PSMD10: variants seen among roughly 807,000 people sequenced by gnomAD.
PSMD10 encodes the protein 26S proteasome non-ATPase regulatory subunit 10.
PSMD10 carries 2 observed loss-of-function variants against 13.2 expected under a neutral mutation model. That is an observed-to-expected ratio of 0.15 (90% CI 0.06 to 0.48). PSMD10 has a LOEUF of 0.48. Among genes scored for constraint, PSMD10 ranks in the 20% least tolerant of loss-of-function variants. The pLI is 0.97. For synonymous variants in PSMD10, 66 were observed against 64.4 expected, an observed-to-expected ratio of 1.03 and a Z score of -0.12; for missense variants, 120 against 167.4, an observed-to-expected ratio of 0.72 and a Z score of 1.56.
In PSMD10 at chrX:108,091,510, C is replaced by A. The variant is rs780330916; in HGVS notation, c.11G>T (p.Cys4Phe). The A allele has an allele frequency of 1.7e-5, 20 of 1,209,974 alleles. No individual in the cohort carries two copies. In the South Asian group the frequency reaches 3.5e-4, roughly 21 times the overall value. MEG[C>F]VSNLMVCNLA... ...GTTGCAGACCATTAGGTTAGACACA[C>A]ACCCCTCCATTTCGCTGTCCCAGCA... The change falls in exon 1 of 5, where the codon TGT becomes TTT. Residue 4 changes from cysteine to phenylalanine, a missense_variant. Cys to Phe is a radical substitution (Grantham distance 205). Coordinates refer to ENST00000217958, the MANE Select transcript of PSMD10 (RefSeq NM_002814.4).
At chrX:108,088,605 G>T in intron 2 of PSMD10, 147 bp downstream of exon 2, 1 of 469,322 alleles carries the variant, frequency 2.1e-6, no homozygotes, top group Non-Finnish European at 3.8e-6. Flanking sequence ...TGAGTCTCAT[G>T]CTTGATCACA....
intron 4 of PSMD10, among the ~76,000 whole-genome samples, chrX:108,086,868 T>C (rs1392466329): frequency 9.0e-6 from 1 of 111,705 alleles, no homozygotes; most frequent in Non-Finnish European, 1.9e-5. Flanking sequence ...GCAATTCCAC[T>C]TCTAGGAGTC....
rs375100790 is a variant in PSMD10 at position 108,088,792 on chromosome X, A to T, written c.173T>A (p.Phe58Tyr). Residue 58 changes from phenylalanine (F) to tyrosine (Y), a missense_variant, in exon 2 of 5, where the codon TTT (phenylalanine) becomes TAT (tyrosine). Phe to Tyr is a conservative substitution (Grantham distance 22). Coordinates refer to ENST00000217958, the MANE Select transcript of PSMD10 (RefSeq NM_002814.4). ...CACTGGCACTCCAAGTTGCAACAAA[A>T]ATTCAACAATTTCTGTATGTCCAGC... is the stretch of plus-strand genomic sequence containing the variant. ...CSAGHTEIVE[F>Y]LLQLGVPVND... The T allele has an allele frequency of 2.0e-5, 24 of 1,203,791 alleles. No homozygotes were observed. Among genetic ancestry groups the T allele is most frequent in the Non-Finnish European group, 2.6e-5 (23 of 890,184 alleles).
chrX:108,089,409 T>C (rs1259533980), intron 1 of PSMD10, among the ~76,000 whole-genome samples: 1 of 112,149 alleles, frequency 8.9e-6, no homozygotes, highest in Non-Finnish European at 1.9e-5. Flanking sequence ...AAGGAACACA[T>C]GAATCTAATG....
At chrX:108,089,548 C>T (rs1218848461) in intron 1 of PSMD10, among the ~76,000 whole-genome samples, 1 of 112,237 alleles carries the variant, frequency 8.9e-6, no homozygotes, top group Non-Finnish European at 1.9e-5. Context: ...AAATAATAAG[C>T]TATGGCCGGG....
chrX:108,085,937 C>T (rs1333906504), intron 4 of PSMD10, among the ~76,000 whole-genome samples: 1 of 111,915 alleles, frequency 8.9e-6, no homozygotes, highest in Middle Eastern at 4.7e-3. Context: ...CGTCCCAGTA[C>T]TCTATCTTGT....
intron 1 of PSMD10, among the ~76,000 whole-genome samples, chrX:108,090,268 A>G (rs1190715017): frequency 1.8e-5 from 2 of 111,861 alleles, no homozygotes; most frequent in Non-Finnish European, 3.8e-5. Flanking sequence ...TGTCTCCCAA[A>G]TGTCTTTTTG....
chrX:108,089,430 T>C (rs1446449658), intron 1 of PSMD10, among the ~76,000 whole-genome samples: 1 of 112,269 alleles, frequency 8.9e-6, no homozygotes, highest in Non-Finnish European at 1.9e-5. Flanking sequence ...GGGGAAGAAA[T>C]GTTCATTAAA....
intron 4 of PSMD10, 199 bp downstream of exon 4, chrX:108,087,487 C>T: frequency 4.2e-6 from 2 of 475,310 alleles, no homozygotes; most frequent in East Asian, 4.1e-5. Flanking sequence ...GGAGGAAATA[C>T]ACAAGAATGT....
At position 108,091,080 on chromosome X, in the gene PSMD10, T is replaced by A. The variant is rs893262279; in HGVS notation, c.114+327A>T. On this transcript the variant is annotated intron_variant, in intron 1 of 4. Transcript: ENST00000217958. The stretch of plus-strand genomic sequence containing the variant: ...GTTCAATTTCACATGCGTTACTGAA[T>A]ACAGTTACTAGTAAAGGTAAATAAA... Among the ~76,000 whole-genome samples, 3 of 113,560 alleles carry A rather than the reference T, an allele frequency of 2.6e-5. No individual in the cohort carries two copies. The Admixed American group carries it at 2.8e-4, about 10-fold the overall frequency.
At chrX:108,090,519 G>T (rs1028126043) in intron 1 of PSMD10, among the ~76,000 whole-genome samples, 3 of 112,124 alleles carry the variant, frequency 2.7e-5, no homozygotes, top group Non-Finnish European at 5.6e-5. Context: ...CCATTTTCAG[G>T]TTGAGTAATA....
Position 108,087,776 on chromosome X carries a change from GC to G in PSMD10, c.436del (p.Ala146GlnfsTer7). 8.3e-7 allele frequency: 1 copy of G among 1,211,843 alleles called. No homozygotes were observed. The highest frequency in any genetic ancestry group is 1.1e-6 in the Non-Finnish European group (1 of 895,546). On this transcript the variant is annotated frameshift_variant, in exon 4 of 5. Transcript: ENST00000217958. LOFTEE classifies it high-confidence loss of function. ...DHYEATAMHR[A>X]AAKGNLKMIH... Reference sequence around the variant, plus strand: ...CATCTTCAAGTTACCCTTGGCTGCTGCCCGGTGCATTGCTGTAGCCTCATAA... The same window carrying G: ...CATCTTCAAGTTACCCTTGGCTGCTGCCGGTGCATTGCTGTAGCCTCATAA...
intron 1 of PSMD10, 95 bp from the exon 2 acceptor site, chrX:108,088,945 C>T (rs190558636): frequency 4.7e-5 from 31 of 654,946 alleles, no homozygotes; most frequent in African/African-American, 2.0e-4. Flanking sequence ...TTTGAAAATA[C>T]GAAATGCAGA....
rs2031483044 is a variant in PSMD10 at position 108,085,270 on chromosome X, T to C, written c.528-143A>G. The C allele has an allele frequency of 6.8e-6, 4 of 584,945 alleles. No individual in the cohort carries two copies. In the East Asian group the frequency reaches 1.5e-4, roughly 22 times the overall value. 48.2% of individuals were successfully genotyped at this position (584,945 alleles called of 1,213,427 possible). A position where few individuals can be genotyped will look rare whatever the true frequency, so the allele number is the denominator to read the frequency against. ...ATTTAATCAGGAAAGAAACATCAGT[T>C]TGCATAGGGAGACTGTAAGTTAAAA... On this transcript the variant is annotated intron_variant, in intron 4 of 4. Transcript: ENST00000217958.
At chrX:108,089,994 TAGAG>T (rs1411998916) in intron 1 of PSMD10, among the ~76,000 whole-genome samples, 7 of 111,738 alleles carry the variant, frequency 6.3e-5, no homozygotes, top group Non-Finnish European at 1.3e-4. Flanking sequence ...AACACAAAAA[TAGAG>T]GGAATAGAAT....
intron 1 of PSMD10, among the ~76,000 whole-genome samples, chrX:108,089,298 G>A (rs1385508870): frequency 1.8e-5 from 2 of 111,146 alleles, no homozygotes; most frequent in African/African-American, 6.6e-5. Context: ...ACTTGTGGAC[G>A]GTCATATGGA....
rs1200247524 is a variant in PSMD10, at chrX:108,088,168, A to G, written c.214-69T>C. On this transcript the variant is annotated intron_variant, in intron 2 of 4. Transcript: ENST00000217958. ...CAAGGATTAGTGCTAACATTTAGGAAGGGTTAGCAAGGAGCTTTACAAAGG... is the reference window on the plus strand; with the variant it reads ...CAAGGATTAGTGCTAACATTTAGGAGGGGTTAGCAAGGAGCTTTACAAAGG... The G allele has an allele frequency of 2.9e-6, 3 of 1,051,429 alleles. No individual in the cohort carries two copies. In the Admixed American group the frequency reaches 9.0e-5, roughly 32 times the overall value. 86.6% of individuals were successfully genotyped at this position (1,051,429 alleles called of 1,213,427 possible).
rs1376875077 is a variant in PSMD10, at chrX:108,085,021, C to T, written c.634G>A (p.Ala212Thr). 1 of 1,209,609 alleles carries T rather than the reference C, an allele frequency of 8.3e-7. No homozygotes were observed. Among genetic ancestry groups the T allele is most frequent in the African/African-American group, 1.7e-5 (1 of 57,676 alleles). Residue 212 changes from alanine (A) to threonine (T), a missense_variant, in exon 5 of 5, where the codon GCC (alanine) becomes ACC (threonine). By Grantham distance (58) the Ala-to-Thr change is moderately conservative (BLOSUM62 0). This residue lies in a region of PSMD10 where 20 missense variants were observed against 16.4 expected (regional missense o/e 1.22). Coordinates refer to ENST00000217958, the MANE Select transcript of PSMD10 (RefSeq NM_002814.4). Reference protein sequence around the residue: ...NKEEKTPLQVAKGGLGLILKR... With the variant: ...NKEEKTPLQVTKGGLGLILKR... ...AGTATTAAACCCAGGCCACCTTTGG[C>T]CACTTGCAGGGGTGTCTTTTCTTCT...
chrX:108,085,050 T>C lies in PSMD10; in HGVS notation c.605A>G (p.Asn202Ser), dbSNP rs2031480226. The C allele has an allele frequency of 8.3e-7, 1 of 1,208,765 alleles. No homozygotes were observed. Residue 202 changes from asparagine to serine, a missense_variant, in exon 5 of 5, where the codon AAT becomes AGT. Transcript: ENST00000217958. Reference protein sequence around the residue: ...VSQGASIYIENKEEKTPLQVA... With the variant: ...VSQGASIYIESKEEKTPLQVA... The stretch of plus-strand genomic sequence containing the variant: ...TTGCAGGGGTGTCTTTTCTTCTTTA[T>C]TCTCAATGTAAATACTTGCTCCTTG...
Sources: allele counts gnomAD v4.1 joint callset (sites outside exome capture counted in the v4.1 genomes callset), GRCh38; gene constraint gnomAD v4.1.1; regional missense constraint gnomAD v4.1.1; transcripts MANE v1.5; gene names NCBI Gene and HGNC (gene_info 2026-07-23, HGNC 2026-07-21).